The following EBF1 variants were observed in gnomAD, a reference collection of about 807,000 sequenced individuals.
EBF1 encodes the protein transcription factor COE1.
In EBF1, 10 loss-of-function variants were observed where a neutral mutation model predicts 68.4. That is an observed-to-expected ratio of 0.15 (90% CI 0.09 to 0.25). EBF1 has a LOEUF of 0.25. Ranked by LOEUF, EBF1 falls within the 10% of genes least tolerant of loss-of-function variation. The pLI is 1.00. For missense variants in EBF1, 509 were observed against 794.4 expected, an observed-to-expected ratio of 0.64 and a Z score of 4.32; for synonymous variants, 298 against 299.8, an observed-to-expected ratio of 0.99 and a Z score of 0.06.
intron 10 of EBF1, among the ~76,000 whole-genome samples, chr5:158,759,103 T>C (rs1404436081): frequency 1.3e-5 from 2 of 152,240 alleles, no homozygotes; most frequent in Non-Finnish European, 2.9e-5. Flanking sequence ...CTCCATTAAA[T>C]GTACCATACA....
intron 6 of EBF1, among the ~76,000 whole-genome samples, chr5:158,913,601 C>T (rs1045228996): frequency 1.3e-5 from 2 of 152,018 alleles, no homozygotes; most frequent in Non-Finnish European, 2.9e-5. Flanking sequence ...ATTAACTGGA[C>T]TCTGCACCAG....
intron 7 of EBF1, among the ~76,000 whole-genome samples, chr5:158,828,442 A>G (rs1305817848): frequency 2.0e-5 from 3 of 152,192 alleles, no homozygotes; most frequent in Admixed American, 6.5e-5. Flanking sequence ...GAAGGTGAGT[A>G]TGATTACTAA....
At chr5:158,849,448 G>T (rs558159462) in intron 6 of EBF1, among the ~76,000 whole-genome samples, 5 of 152,162 alleles carry the variant, frequency 3.3e-5, no homozygotes, top group African/African-American at 1.2e-4. Context: ...CTCCAGGTGC[G>T]GTATAAATGT....
Position 159,096,720 on chromosome 5 carries a change from G to A in EBF1, c.291+254C>T, listed in dbSNP as rs1782684532. The A allele has an allele frequency of 6.5e-6, 4 of 613,852 alleles. No homozygotes were observed. In the South Asian group the frequency reaches 8.0e-5, roughly 12 times the overall value. The allele number at this position is 613,852 out of a possible 1,614,324, so 38.0% of individuals were successfully genotyped here. ...GTAGTGGAGGGCGGGTTCATTCCGG[G>A]TGCCCATGGCTGTGGATTGTAGAGC... On this transcript the variant is annotated intron_variant, in intron 2 of 15. Transcript: ENST00000313708.
intron 6 of EBF1, among the ~76,000 whole-genome samples, chr5:159,031,090 CT>C (rs34388903): frequency 0.24 from 36,217 of 152,044 alleles, 4,483 homozygotes; most frequent in East Asian, 0.42. Context: ...AGGAGAATCG[CT>C]TGAACCCGCG....
At chr5:158,919,543 T>G (rs1467047586) in intron 6 of EBF1, among the ~76,000 whole-genome samples, 1 of 152,170 alleles carries the variant, frequency 6.6e-6, no homozygotes, top group Non-Finnish European at 1.5e-5. Context: ...TTACAAATCA[T>G]CAATGTCTAG....
At chr5:158,928,618 T>C (rs1810198795) in intron 6 of EBF1, among the ~76,000 whole-genome samples, 2 of 152,182 alleles carry the variant, frequency 1.3e-5, no homozygotes, top group Admixed American at 6.5e-5. Flanking sequence ...AATTGGGATG[T>C]CCATTCTTCA....
At chr5:159,083,046 T>C (rs6866195) in intron 5 of EBF1, among the ~76,000 whole-genome samples, 46,922 of 152,054 alleles carry the variant, frequency 0.31, 7,465 homozygotes, top group Middle Eastern at 0.35. Flanking sequence ...ATTTCTAGCA[T>C]AGTCTAAACA....
chr5:158,934,961 C>T (rs540938356), intron 6 of EBF1, among the ~76,000 whole-genome samples: 20 of 152,288 alleles, frequency 1.3e-4, no homozygotes, highest in Non-Finnish European at 2.4e-4. Flanking sequence ...TTTAATTTGC[C>T]CAAGATTCAA....
At chr5:158,791,888 A>T (rs1347337650) in intron 9 of EBF1, among the ~76,000 whole-genome samples, 6 of 152,158 alleles carry the variant, frequency 3.9e-5, no homozygotes, top group Non-Finnish European at 5.9e-5. Flanking sequence ...AACTTTAATT[A>T]CCCATGGTAC....
chr5:159,021,208 G>A (rs922101710), intron 6 of EBF1, among the ~76,000 whole-genome samples: 4 of 152,116 alleles, frequency 2.6e-5, no homozygotes, highest in African/African-American at 9.7e-5. Context: ...GTATCCTGTT[G>A]TTTGGGCATT....
At chr5:158,798,728 T>C (rs1179612271) in intron 8 of EBF1, among the ~76,000 whole-genome samples, 6 of 152,224 alleles carry the variant, frequency 3.9e-5, no homozygotes, top group African/African-American at 4.8e-5. Context: ...AGCAAAGCTA[T>C]ATGTCAATGC....
intron 6 of EBF1, among the ~76,000 whole-genome samples, chr5:158,851,045 C>T (rs1288770646): frequency 6.6e-6 from 1 of 151,724 alleles, no homozygotes; most frequent in African/African-American, 2.4e-5. Flanking sequence ...ATAAAATTTC[C>T]CCACCCATCC....
At chr5:158,777,768 T>C (rs1294539345) in intron 9 of EBF1, among the ~76,000 whole-genome samples, 4 of 152,198 alleles carry the variant, frequency 2.6e-5, no homozygotes, top group African/African-American at 9.6e-5. Flanking sequence ...GGCCCTCTGC[T>C]TCCTGGTTTG....
chr5:158,911,889 A>G (rs1487691951), intron 6 of EBF1, among the ~76,000 whole-genome samples: 1 of 152,226 alleles, frequency 6.6e-6, no homozygotes, highest in African/African-American at 2.4e-5. Context: ...CTTCTCTGAC[A>G]TGGTATGAAG....
chr5:158,834,266 T>C (rs1404942906), intron 7 of EBF1, among the ~76,000 whole-genome samples: 2 of 152,206 alleles, frequency 1.3e-5, no homozygotes, highest in Non-Finnish European at 2.9e-5. Context: ...GGTTTTAACA[T>C]AGTCCTTTGA....
chr5:158,786,706 C>T (rs1054456011), intron 9 of EBF1, among the ~76,000 whole-genome samples: 2 of 152,062 alleles, frequency 1.3e-5, no homozygotes, highest in Admixed American at 6.6e-5. Context: ...ATGTTCCTTG[C>T]TTGTTTGTTT....
At chr5:158,793,717 G>T (rs1011785638) in intron 9 of EBF1, among the ~76,000 whole-genome samples, 3 of 152,260 alleles carry the variant, frequency 2.0e-5, no homozygotes, top group East Asian at 1.9e-4. Context: ...AGCCTATTGT[G>T]AGGCTTAAAG....
chr5:158,962,159 A>T (rs1818303345), intron 6 of EBF1, among the ~76,000 whole-genome samples: 1 of 152,210 alleles, frequency 6.6e-6, no homozygotes, highest in Admixed American at 6.5e-5. Flanking sequence ...TGCTTCCAAA[A>T]TACGTAAACA....
Sources: allele counts gnomAD v4.1 joint callset (sites outside exome capture counted in the v4.1 genomes callset), GRCh38; gene constraint gnomAD v4.1.1; transcripts MANE v1.5; gene names NCBI Gene and HGNC (gene_info 2026-07-23, HGNC 2026-07-21).